Variants in RRBP1 observed in about 807,000 individuals in gnomAD.
The protein encoded by RRBP1 is ribosome binding protein 1, also known as ribosome-binding protein 1.
In RRBP1, 94 loss-of-function variants were observed where a neutral mutation model predicts 165.2. The ratio of observed to expected loss-of-function variants is 0.57; its 90% CI spans 0.48 to 0.68. RRBP1 has a LOEUF of 0.68. Among genes scored for constraint, RRBP1 ranks in the 30% least tolerant of loss-of-function variants. The probability of loss-of-function intolerance (pLI) is 0.00; values close to 1 mark genes in which losing one functional copy is unlikely to be tolerated. For synonymous variants in RRBP1, 680 were observed against 714.5 expected (o/e 0.95, Z 0.77); for missense variants, 1,676 against 1,763.0 (o/e 0.95, Z 0.88).
At chr20:17,633,855 C>T (rs771543513) in intron 7 of RRBP1, among the ~76,000 whole-genome samples, 2 of 152,242 alleles carry the variant, frequency 1.3e-5, no homozygotes, top group Non-Finnish European at 2.9e-5. Context: ...TGCACTAAAG[C>T]ATCCCAGGGG....
intron 20 of RRBP1, among the ~76,000 whole-genome samples, chr20:17,617,518 T>C (rs2035824592): frequency 6.6e-6 from 1 of 152,108 alleles, no homozygotes; most frequent in South Asian, 2.1e-4. Flanking sequence ...GAACAGCCCC[T>C]CCCAATGCAA....
At chr20:17,641,689 T>C in intron 5 of RRBP1, 108 bp downstream of exon 5, 1 of 1,384,916 alleles carries the variant, frequency 7.2e-7, no homozygotes, top group South Asian at 1.2e-5. Flanking sequence ...GCCAGCTACG[T>C]TCCAGGCAGG....
Position 17,627,474 on chromosome 20 carries a change from C to T in RRBP1, c.2928+30G>A, listed in dbSNP as rs778099163. On this transcript the variant is annotated intron_variant, in intron 10 of 24. Transcript: ENST00000377813. ...CCACCTGCTAGATGGAGTTCCCTTT[C>T]CTCCCCGTGGCCCCAGGCAGAAGGC... 1.9e-6 allele frequency: 3 copies of T among 1,605,668 alleles called. No individual in the cohort carries two copies. The Admixed American group carries it at 5.0e-5, about 27-fold the overall frequency.
At position 17,636,633 on chromosome 20, in the gene RRBP1, G is replaced by A. The variant is rs577952365; in HGVS notation, c.2281C>T (p.Arg761Cys). 3.7e-6 allele frequency: 6 copies of A among 1,612,960 alleles called. No individual in the cohort carries two copies. Among genetic ancestry groups the A allele is most frequent in the East Asian group, 4.5e-5 (2 of 44,878 alleles). The change falls in exon 6 of 25, where the codon CGC (arginine) becomes TGC (cysteine). Residue 761 changes from arginine (R) to cysteine (C), a missense_variant. Physicochemically the swap from Arg to Cys is radical, Grantham distance 180. Transcript: ENST00000377813. ...REQEITAVQA[R>C]MQASYREHVK... ...TGCTCCCGGTAGCTGGCCTGCATGC[G>A]TGCCTGCACAGCCGTGATCTCCTGC...
At position 17,614,730 on chromosome 20, in the gene RRBP1, C is replaced by T. The variant is rs1397781771; in HGVS notation, c.4194+7G>A. 1 of 1,610,946 alleles carries T rather than the reference C, an allele frequency of 6.2e-7. No individual in the cohort carries two copies. The highest frequency in any genetic ancestry group is 8.5e-7 in the Non-Finnish European group (1 of 1,179,976). On this transcript the variant is annotated splice_region_variant and intron_variant, in intron 24 of 24. Coordinates refer to ENST00000377813, the MANE Select transcript of RRBP1 (RefSeq NM_001365613.2). ...CCTCCCGCCCTGCTTTGGCGCCAGG[C>T]ACGCACTGCCTTTTCCAGCTGTTCC...
At chr20:17,653,826 T>C (rs1600763762) in intron 3 of RRBP1, among the ~76,000 whole-genome samples, 6 of 117,808 alleles carry the variant, frequency 5.1e-5, no homozygotes, top group East Asian at 2.5e-4. Context: ...AGAGCGAGAC[T>C]CCATCTCAAA....
At chr20:17,616,560 T>C (rs544536290) in intron 21 of RRBP1, among the ~76,000 whole-genome samples, 172 bp downstream of exon 21, 1 of 152,258 alleles carries the variant, frequency 6.6e-6, no homozygotes, top group South Asian at 2.1e-4. Flanking sequence ...TTCTGTTCCA[T>C]GCTCTGTGGC....
chr20:17,614,060 T>C lies in RRBP1; in HGVS notation c.*122A>G. On this transcript the variant is annotated 3_prime_UTR_variant, in exon 25 of 25. Transcript: ENST00000377813. ...TCTAAGAGACTTGTCTCTCATGGCTTCTCTCGGAGCTACCGGAAGTTGGGC... is the reference window on the plus strand; with the variant it reads ...TCTAAGAGACTTGTCTCTCATGGCTCCTCTCGGAGCTACCGGAAGTTGGGC... 1 of 899,696 alleles carries C rather than the reference T, an allele frequency of 1.1e-6. No individual in the cohort carries two copies. The highest frequency in any genetic ancestry group is 1.8e-6 in the Non-Finnish European group (1 of 558,272). 55.7% of individuals were successfully genotyped at this position (899,696 alleles called of 1,614,324 possible).
intron 2 of RRBP1, among the ~76,000 whole-genome samples, chr20:17,663,168 C>G (rs1167141844): frequency 6.6e-6 from 1 of 152,222 alleles, no homozygotes; most frequent in Non-Finnish European, 1.5e-5. Context: ...GCGATTGGCA[C>G]TGGTTGCAGA....
chr20:17,662,059 G>C (rs973930619), intron 2 of RRBP1, among the ~76,000 whole-genome samples: 7 of 152,086 alleles, frequency 4.6e-5, no homozygotes, highest in African/African-American at 1.4e-4. Flanking sequence ...TCAGGAGATC[G>C]AGACCATCCT....
At position 17,682,013 on chromosome 20, in the gene RRBP1, G is replaced by C. The variant is rs1329809799; in HGVS notation, c.-99+15C>G. ...CCCGCGCGCGGCCGCTGCAGGGCCC[G>C]GCCAAGTTTCTTACCTGCAGCCAGA... On this transcript the variant is annotated intron_variant, in intron 1 of 24. Transcript: ENST00000377813. 6.6e-6 allele frequency: 1 copy of C among 150,846 alleles called. No individual in the cohort carries two copies. Among genetic ancestry groups the C allele is most frequent in the Non-Finnish European group, 1.5e-5 (1 of 67,612 alleles). 9.3% of individuals were successfully genotyped at this position (150,846 alleles called of 1,614,324 possible). A position where few individuals can be genotyped will look rare whatever the true frequency, so the allele number is the denominator to read the frequency against.
chr20:17,641,379 T>G, intron 5 of RRBP1: 1 of 188,918 alleles, frequency 5.3e-6, no homozygotes, highest in South Asian at 9.7e-5. Flanking sequence ...CCCCACAAGG[T>G]TTTGCATAAT....
Position 17,641,899 on chromosome 20 carries a change from A to T in RRBP1, c.2082T>A (p.Pro694=). 6.2e-7 allele frequency: 1 copy of T among 1,613,972 alleles called. No individual in the cohort carries two copies. Among genetic ancestry groups the T allele is most frequent in the Non-Finnish European group, 8.5e-7 (1 of 1,179,874 alleles). Residue 694 remains proline, a synonymous_variant, in exon 5 of 25, where the codon CCT becomes CCA. Transcript: ENST00000377813. ...TWHKATQKGD[P]VAILKRQLEE... is the part of the protein sequence containing the mutation. ...CCAGCTGGCGTTTCAGAATCGCCAC[A>T]GGGTCACCCTTCTGAGTGGCCTAGA... is the stretch of plus-strand genomic sequence containing the variant.
chr20:17,648,646 G>T (rs2036505855), intron 3 of RRBP1, among the ~76,000 whole-genome samples: 1 of 152,220 alleles, frequency 6.6e-6, no homozygotes, highest in Non-Finnish European at 1.5e-5. Context: ...CTACAAACTT[G>T]GGGACTGGTA....
At chr20:17,621,312 AC>A (rs1440854730) in intron 16 of RRBP1, 145 bp downstream of exon 16, 2 of 626,180 alleles carry the variant, frequency 3.2e-6, no homozygotes, top group African/African-American at 3.7e-5. Flanking sequence ...CCATCCATTT[AC>A]CATGCAGCCG....
chr20:17,652,663 C>T (rs1355023602), intron 3 of RRBP1, among the ~76,000 whole-genome samples: 1 of 152,152 alleles, frequency 6.6e-6, no homozygotes, highest in Non-Finnish European at 1.5e-5. Context: ...CACACATGAC[C>T]CCCAGAGAAG....
At chr20:17,665,120 GA>G (rs1307710039) in intron 2 of RRBP1, among the ~76,000 whole-genome samples, 2 of 151,578 alleles carry the variant, frequency 1.3e-5, no homozygotes, top group African/African-American at 4.9e-5. Flanking sequence ...GTGGGGGGGG[GA>G]CACACACACA....
chr20:17,645,300 C>G (rs568038811), intron 3 of RRBP1, among the ~76,000 whole-genome samples: 1 of 152,254 alleles, frequency 6.6e-6, no homozygotes. Context: ...AGAGTGTTCT[C>G]GGAGCGGCAT....
intron 22 of RRBP1, 147 bp from the exon 23 acceptor site, chr20:17,615,676 G>A: frequency 1.5e-6 from 1 of 667,018 alleles, no homozygotes; most frequent in Non-Finnish European, 2.5e-6. Context: ...GAGTGGGCCA[G>A]ACCCACAAGT....
Sources: gnomAD v4.1 joint callset for allele counts (sites outside exome capture counted in the v4.1 genomes callset) on GRCh38, gnomAD v4.1.1 for gene constraint, MANE v1.5 for transcripts, NCBI Gene and HGNC (gene_info 2026-07-23, HGNC 2026-07-21) for gene names.